TNNI3K: variants seen among roughly 807,000 people sequenced by gnomAD.
TNNI3K encodes the protein serine/threonine-protein kinase TNNI3K.
In TNNI3K, 140 loss-of-function variants were observed where a neutral mutation model predicts 114.5. The ratio of observed to expected loss-of-function variants is 1.22; its 90% CI spans 1.07 to 1.41. The LOEUF (loss-of-function observed/expected upper bound fraction) is 1.41, where lower values mean the gene tolerates loss of function less well. Ranked by LOEUF, TNNI3K falls within the 40% of genes most tolerant of loss-of-function variation. The pLI is 0.00. For synonymous variants in TNNI3K, 347 were observed against 347.5 expected (o/e 1.00, Z 0.02); for missense variants, 1,125 against 1,007.6 (o/e 1.12, Z -1.58).
chr1:74,497,364 T>C lies in TNNI3K; in HGVS notation c.2351+5098T>C, dbSNP rs1167809804. ...ACCACCTCTCTTGCACTCTTTTTTGTACTAAAATTTTCAAATATTCCCTTT... is the reference window on the plus strand; with the variant it reads ...ACCACCTCTCTTGCACTCTTTTTTGCACTAAAATTTTCAAATATTCCCTTT... On this transcript the variant is annotated intron_variant, in intron 23 of 24. Transcript: ENST00000326637. Among the ~76,000 whole-genome samples, 7 of 152,224 alleles carry C rather than the reference T, an allele frequency of 4.6e-5. No individual in the cohort carries two copies. In the East Asian group the frequency reaches 1.4e-3, roughly 29 times the overall value.
In TNNI3K at chr1:74,236,210, G is replaced by T; in HGVS notation, c.149G>T (p.Gly50Val). ...KELTELRNIFGSDEAFSKVNL... is the reference protein window; with the variant it reads ...KELTELRNIFVSDEAFSKVNL... ...CTGACAGAACTAAGGAATATATTTGGGTAAAGTTGTAAGAGTCATTATTTC... is the reference window on the plus strand; with the variant it reads ...CTGACAGAACTAAGGAATATATTTGTGTAAAGTTGTAAGAGTCATTATTTC... The change falls in exon 2 of 25, where the codon GGC becomes GTC. Residue 50 changes from glycine to valine, a missense_variant and splice_region_variant. Gly to Val is a moderately radical substitution (Grantham distance 109, BLOSUM62 -3). Coordinates refer to ENST00000326637, the MANE Select transcript of TNNI3K (RefSeq NM_015978.3). 1.2e-6 allele frequency: 2 copies of T among 1,601,744 alleles called. No individual in the cohort carries two copies. The highest frequency in any genetic ancestry group is 1.7e-6 in the Non-Finnish European group (2 of 1,172,456).
chr1:74,267,424 A>G (rs1415999381), intron 4 of TNNI3K, among the ~76,000 whole-genome samples: 1 of 151,962 alleles, frequency 6.6e-6, no homozygotes, highest in African/African-American at 2.4e-5. Flanking sequence ...GAAGTGAAGT[A>G]CAGACGTTGG....
intron 7 of TNNI3K, among the ~76,000 whole-genome samples, chr1:74,338,587 G>A (rs912211673): frequency 2.6e-5 from 4 of 151,566 alleles, no homozygotes; most frequent in African/African-American, 9.7e-5. Flanking sequence ...TTTCCAAAAG[G>A]ACATGGTTGT....
At chr1:74,483,386 A>G in intron 21 of TNNI3K, 1 of 716,966 alleles carries the variant, frequency 1.4e-6, no homozygotes, top group Admixed American at 2.0e-5. Context: ...CTGAAAGGAA[A>G]GTAGAGGGCA....
chr1:74,268,411 C>G (rs997874312), intron 4 of TNNI3K, among the ~76,000 whole-genome samples: 7 of 151,806 alleles, frequency 4.6e-5, no homozygotes, highest in Admixed American at 1.3e-4. Flanking sequence ...TTCTGGCAGC[C>G]TATCCATGGC....
intron 5 of TNNI3K, among the ~76,000 whole-genome samples, chr1:74,286,884 A>T (rs1208119532): frequency 6.6e-6 from 1 of 152,152 alleles, no homozygotes; most frequent in Non-Finnish European, 1.5e-5. Flanking sequence ...CCAGGAACTG[A>T]CCCTAAGGAA....
chr1:74,382,533 G>A (rs142307005), intron 17 of TNNI3K, among the ~76,000 whole-genome samples: 80 of 152,280 alleles, frequency 5.3e-4, no homozygotes, highest in African/African-American at 1.6e-3. Flanking sequence ...AAGGTGAAAG[G>A]TTTTGTTGTT....
At chr1:74,238,357 G>A (rs1458071231) in intron 2 of TNNI3K, among the ~76,000 whole-genome samples, 3 of 151,770 alleles carry the variant, frequency 2.0e-5, no homozygotes, top group African/African-American at 7.3e-5. Flanking sequence ...TCACCTCACA[G>A]GATATTTTCA....
In TNNI3K at chr1:74,540,245, A is replaced by G. The variant is rs202003543; in HGVS notation, c.2363A>G (p.Tyr788Cys). ...TATTAATTTTCCAGTGCTGGACAAT[A>G]TTCCTCTCAAGGTCTGTCTTTGGAG... Reference protein sequence around the residue: ...YAALSQSAGQYSSQGLSLEEM... With the variant: ...YAALSQSAGQCSSQGLSLEEM... Residue 788 changes from tyrosine to cysteine, a missense_variant, in exon 24 of 25, where the codon TAT becomes TGT. By Grantham distance (194) the Tyr-to-Cys change is radical. Coordinates refer to ENST00000326637, the MANE Select transcript of TNNI3K (RefSeq NM_015978.3). 4 of 1,612,226 alleles carry G rather than the reference A, an allele frequency of 2.5e-6. No individual in the cohort carries two copies. The African/African-American group carries it at 4.0e-5, about 16-fold the overall frequency.
Position 74,482,002 on chromosome 1 carries a change from C to T in TNNI3K, c.2122-7187C>T, listed in dbSNP as rs551356078. On this transcript the variant is annotated intron_variant, in intron 21 of 24. Coordinates refer to ENST00000326637, the MANE Select transcript of TNNI3K (RefSeq NM_015978.3). The stretch of plus-strand genomic sequence containing the variant: ...CTCAGAGTGCCTTCTTTTGGAAGAA[C>T]TGTTCTCATCCCTGCAGCACAAGCA... Among the ~76,000 whole-genome samples the T allele has an allele frequency of 1.1e-4, 16 of 152,284 alleles. No individual in the cohort carries two copies. In the South Asian group the frequency reaches 2.3e-3, roughly 22 times the overall value.
chr1:74,525,917 G>C (rs1646498701), intron 23 of TNNI3K, among the ~76,000 whole-genome samples: 1 of 152,138 alleles, frequency 6.6e-6, no homozygotes, highest in African/African-American at 2.4e-5. Context: ...TGAGAGCAAG[G>C]CACCCCAGCT....
At chr1:74,257,377 C>G (rs1165511933) in intron 4 of TNNI3K, among the ~76,000 whole-genome samples, 1 of 152,204 alleles carries the variant, frequency 6.6e-6, no homozygotes, top group East Asian at 1.9e-4. Flanking sequence ...TAGATTAGCT[C>G]AGTATTTGTT....
intron 17 of TNNI3K, chr1:74,372,092 G>GAAAAAAAAA (rs61241236): frequency 7.4e-6 from 1 of 135,262 alleles, no homozygotes. Context: ...TAGTTTTTAA[G>GAAAAAAAAA]AAAAAAAAAA....
At chr1:74,543,264 G>A (rs1052237725) in intron 24 of TNNI3K, among the ~76,000 whole-genome samples, 2 of 151,214 alleles carry the variant, frequency 1.3e-5, no homozygotes, top group African/African-American at 4.9e-5. Flanking sequence ...AGTAGAGATG[G>A]GGTTTCACCA....
intron 20 of TNNI3K, among the ~76,000 whole-genome samples, chr1:74,449,256 T>G (rs1666867884): frequency 6.6e-6 from 1 of 151,586 alleles, no homozygotes; most frequent in African/African-American, 2.4e-5. Context: ...TGCGTAGAGG[T>G]GTTTGTAGTA....
intron 23 of TNNI3K, among the ~76,000 whole-genome samples, chr1:74,535,482 C>CA (rs902041593): frequency 6.6e-6 from 1 of 151,728 alleles, no homozygotes; most frequent in African/African-American, 2.4e-5. Flanking sequence ...ATCAAACAAA[C>CA]AAAAAAAGAA....
At chr1:74,398,284 C>G (rs763219362) in intron 17 of TNNI3K, among the ~76,000 whole-genome samples, 1 of 152,144 alleles carries the variant, frequency 6.6e-6, no homozygotes, top group African/African-American at 2.4e-5. Context: ...GAGGTGGATG[C>G]TCCTTGATGG....
intron 20 of TNNI3K, among the ~76,000 whole-genome samples, chr1:74,458,857 C>G (rs1049481722): frequency 1.3e-5 from 2 of 152,126 alleles, no homozygotes; most frequent in Admixed American, 6.5e-5. Flanking sequence ...GATCTCATCA[C>G]CAGGCAGTGA....
At chr1:74,337,407 A>G (rs994125334) in intron 7 of TNNI3K, among the ~76,000 whole-genome samples, 7 of 151,676 alleles carry the variant, frequency 4.6e-5, no homozygotes, top group African/African-American at 1.7e-4. Context: ...TTGGTGTTTT[A>G]GACATGAAGT....
Sources: allele counts gnomAD v4.1 joint callset (sites outside exome capture counted in the v4.1 genomes callset), GRCh38; gene constraint gnomAD v4.1.1; transcripts MANE v1.5; gene names NCBI Gene and HGNC (gene_info 2026-07-23, HGNC 2026-07-21).